Variants in CPEB3 observed in about 807,000 individuals in gnomAD.
The protein encoded by CPEB3 is cytoplasmic polyadenylation element binding protein 3, also known as cytoplasmic polyadenylation element-binding protein 3.
CPEB3 carries 20 observed loss-of-function variants against 67.2 expected under a neutral mutation model. The ratio of observed to expected loss-of-function variants is 0.30; its 90% confidence interval spans 0.21 to 0.43. The LOEUF (loss-of-function observed/expected upper bound fraction) is 0.43. CPEB3 is among the 20% of genes least tolerant of loss of function. The pLI is 1.00. For synonymous variants in CPEB3, 376 were observed against 393.1 expected (o/e 0.96, Z 0.51); for missense variants, 746 against 968.6 (o/e 0.77, Z 3.05).
At chr10:92,262,275 T>A (rs1852837325) in intron 1 of CPEB3, among the ~76,000 whole-genome samples, 1 of 152,192 alleles carries the variant, frequency 6.6e-6, no homozygotes, top group South Asian at 2.1e-4. Context: ...GAACATGGGA[T>A]ATAAAATCTA....
intron 9 of CPEB3, among the ~76,000 whole-genome samples, chr10:92,075,148 GT>G (rs1444332999): frequency 4.6e-5 from 7 of 152,204 alleles, no homozygotes; most frequent in African/African-American, 1.4e-4. Context: ...CGTTGCTGAT[GT>G]GTAGATTTAT....
At chr10:92,216,570 T>C in intron 2 of CPEB3, 1 of 1,612,016 alleles carries the variant, frequency 6.2e-7, no homozygotes, top group Non-Finnish European at 8.5e-7. Flanking sequence ...GGGATCATGG[T>C]TTTGGCAGGA....
At chr10:92,080,056 A>T (rs1843080386) in intron 9 of CPEB3, among the ~76,000 whole-genome samples, 1 of 151,790 alleles carries the variant, frequency 6.6e-6, no homozygotes, top group South Asian at 2.1e-4. Context: ...AAAAAAAAAA[A>T]ATTAGCCGGG....
chr10:92,236,534 G>A (rs1851540338), intron 2 of CPEB3, among the ~76,000 whole-genome samples: 3 of 152,056 alleles, frequency 2.0e-5, no homozygotes, highest in Non-Finnish European at 4.4e-5. Context: ...GATCACCTGA[G>A]GTCAGGAGTT....
At chr10:92,212,996 G>T (rs955462608) in intron 2 of CPEB3, among the ~76,000 whole-genome samples, 1 of 152,118 alleles carries the variant, frequency 6.6e-6, no homozygotes, top group East Asian at 1.9e-4. Context: ...TATGTAGCTT[G>T]CAGTCTATTT....
intron 6 of CPEB3, among the ~76,000 whole-genome samples, chr10:92,122,031 G>C (rs1291597107): frequency 1.3e-5 from 2 of 152,156 alleles, no homozygotes; most frequent in Non-Finnish European, 2.9e-5. Flanking sequence ...AAACATCTAG[G>C]AGATGCCAGG....
intron 8 of CPEB3, among the ~76,000 whole-genome samples, chr10:92,088,528 T>C (rs1843473909): frequency 6.6e-6 from 1 of 152,150 alleles, no homozygotes; most frequent in Non-Finnish European, 1.5e-5. Context: ...CTTTTTTCTT[T>C]AAGAGGTGTT....
In CPEB3 at chr10:92,084,957, G is replaced by T. The variant is rs558273869; in HGVS notation, c.1688-3456C>A. On this transcript the variant is annotated intron_variant, in intron 8 of 9. Transcript: ENST00000265997. ...AGTAAACAATAGTCAAACAACTGCT[G>T]TTCATATTTGGTCTTTTGCTCAACC... Among the ~76,000 whole-genome samples, 258 of 152,238 alleles carry T rather than the reference G, an allele frequency of 1.7e-3. 2 individuals are homozygous for T. Among genetic ancestry groups the T allele is most frequent in the African/African-American group, 5.9e-3 (245 of 41,538 alleles).
At chr10:92,249,160 C>T (rs1026812396) in intron 1 of CPEB3, among the ~76,000 whole-genome samples, 2 of 152,060 alleles carry the variant, frequency 1.3e-5, no homozygotes, top group African/African-American at 4.8e-5. Flanking sequence ...AGGCGGATCA[C>T]GAGGTCAGGA....
intron 1 of CPEB3, among the ~76,000 whole-genome samples, chr10:92,276,585 G>A (rs1187665524): frequency 1.3e-5 from 2 of 151,968 alleles, no homozygotes; most frequent in Non-Finnish European, 2.9e-5. Context: ...GGCCCATACT[G>A]CTGCTATTAA....
chr10:92,192,649 A>C lies in CPEB3; in HGVS notation c.1006-13T>G. 1 of 1,566,430 alleles carries C rather than the reference A, an allele frequency of 6.4e-7. No homozygotes were observed. The highest frequency in any genetic ancestry group is 8.7e-7 in the Non-Finnish European group (1 of 1,155,194). ...GCCTACTCCGGTCCTAAGAATAAAA[A>C]CAAAAACAAGACAATACATAAAATT... On this transcript the variant is annotated splice_polypyrimidine_tract_variant and intron_variant, in intron 2 of 9. Transcript: ENST00000265997.
intron 8 of CPEB3, among the ~76,000 whole-genome samples, chr10:92,090,270 G>T (rs1429660306): frequency 6.6e-6 from 1 of 152,246 alleles, no homozygotes; most frequent in Non-Finnish European, 1.5e-5. Context: ...GCTGGGCGTG[G>T]TGGCTCACGC....
At chr10:92,279,870 C>T (rs780363159) in intron 1 of CPEB3, among the ~76,000 whole-genome samples, 15 of 151,998 alleles carry the variant, frequency 9.9e-5, no homozygotes, top group Non-Finnish European at 1.8e-4. Flanking sequence ...ATTAGCTGGG[C>T]ATGGTGGCGC....
intron 4 of CPEB3, among the ~76,000 whole-genome samples, chr10:92,165,862 A>G (rs958477636): frequency 2.6e-5 from 4 of 152,126 alleles, no homozygotes; most frequent in African/African-American, 9.7e-5. Context: ...TTCTCTTGCT[A>G]TTTACACTGT....
intron 1 of CPEB3, among the ~76,000 whole-genome samples, chr10:92,270,559 CTTTTTTTT>C (rs571582158): frequency 8.0e-6 from 1 of 124,874 alleles, no homozygotes. Context: ...TTTTATATTA[CTTTTTTTT>C]TTTTTTTTTT....
At position 92,224,449 on chromosome 10, in the gene CPEB3, C is replaced by T. The variant is rs371056188; in HGVS notation, c.1005+14897G>A. On this transcript the variant is annotated intron_variant, in intron 2 of 9. Transcript: ENST00000265997. ...GAATACTCTTGGTGATCTGGTGGCA[C>T]TTATCTACTTCTCCAGCCTCATCTC... 5.9e-5 allele frequency among the ~76,000 whole-genome samples: 9 copies of T among 152,256 alleles called. 1 individual carries two copies. Among genetic ancestry groups the T allele is most frequent in the East Asian group, 5.8e-4 (3 of 5,184 alleles).
chr10:92,153,017 C>T (rs1456451204), intron 4 of CPEB3, among the ~76,000 whole-genome samples: 2 of 152,184 alleles, frequency 1.3e-5, no homozygotes, highest in African/African-American at 4.8e-5. Context: ...AACTAGTCAT[C>T]TTCCCCTCAC....
Position 92,138,235 on chromosome 10 carries a change from C to A in CPEB3, c.1453+4794G>T. ...TCCCACCTGTATCCACAGAATTGGT[C>A]GAGGTGGATGGTTTGGCCATAAGGG... On this transcript the variant is annotated intron_variant, in intron 6 of 9. Coordinates refer to ENST00000265997, the MANE Select transcript of CPEB3 (RefSeq NM_014912.5). 2.2e-5 allele frequency: 5 copies of A among 222,252 alleles called. No homozygotes were observed. In the South Asian group the frequency reaches 3.1e-4, roughly 14 times the overall value. 13.8% of individuals were successfully genotyped at this position (222,252 alleles called of 1,614,324 possible). A position where few individuals can be genotyped will look rare whatever the true frequency, so the allele number is the denominator to read the frequency against.
At chr10:92,217,254 C>T (rs1410504328) in intron 2 of CPEB3, among the ~76,000 whole-genome samples, 19 of 134,462 alleles carry the variant, frequency 1.4e-4, no homozygotes, top group African/African-American at 3.2e-4. Flanking sequence ...TATATACACA[C>T]ACACACACAC....
Sources: allele counts gnomAD v4.1 joint callset (sites outside exome capture counted in the v4.1 genomes callset), GRCh38; gene constraint gnomAD v4.1.1; transcripts MANE v1.5; gene names NCBI Gene and HGNC (gene_info 2026-07-23, HGNC 2026-07-21).